The following RBFOX1 variants were observed in gnomAD, a reference collection of about 807,000 sequenced individuals.
The protein encoded by RBFOX1 is RNA binding fox-1 homolog 1, also known as RNA binding protein fox-1 homolog 1.
In RBFOX1, 8 loss-of-function variants were observed where a neutral mutation model predicts 57.7. The observed-to-expected ratio is 0.14, with a 90% CI of 0.08 to 0.25. The LOEUF is 0.25. Among genes scored for constraint, RBFOX1 ranks in the 10% least tolerant of loss-of-function variants. RBFOX1 has a pLI of 1.00. For missense variants in RBFOX1, 611 were observed against 548.5 expected, an observed-to-expected ratio of 1.11 and a Z score of -1.14; for synonymous variants, 326 against 222.4, an observed-to-expected ratio of 1.47 and a Z score of -4.15.
chr16:5,463,342 G>A (rs2068849142), intron 1 of RBFOX1, among the ~76,000 whole-genome samples: 1 of 152,124 alleles, frequency 6.6e-6, no homozygotes, highest in Non-Finnish European at 1.5e-5. Context: ...CTTTTCAAGT[G>A]ACTGTTCTAT....
At chr16:6,563,644 G>A (rs184777502) in intron 2 of RBFOX1, among the ~76,000 whole-genome samples, 1 of 152,140 alleles carries the variant, frequency 6.6e-6, no homozygotes, top group East Asian at 1.9e-4. Flanking sequence ...AGGGGTTCAC[G>A]ACCGTTATCA....
chr16:7,063,589 T>C (rs1278756104), intron 4 of RBFOX1, among the ~76,000 whole-genome samples: 2 of 152,186 alleles, frequency 1.3e-5, no homozygotes, highest in Non-Finnish European at 2.9e-5. Context: ...TTTTCAAATT[T>C]AGCTGGTAAA....
intron 3 of RBFOX1, among the ~76,000 whole-genome samples, chr16:5,749,244 T>C (rs913436360): frequency 6.6e-6 from 1 of 152,220 alleles, no homozygotes. Context: ...GCTGTTAGTC[T>C]AATAGGCTTC....
rs3785247 is a variant in RBFOX1 at position 7,571,418 on chromosome 16, A to T, written c.271-8359A>T. Among the ~76,000 whole-genome samples the T allele has an allele frequency of 2.0e-5, 3 of 152,078 alleles. No homozygotes were observed. The East Asian group carries it at 5.8e-4, about 29-fold the overall frequency. On this transcript the variant is annotated intron_variant, in intron 5 of 15. Transcript: ENST00000550418. ...CTGGATTGGTCGATATCAAAATCCA[A>T]TTTCACCAGGATTAGTCTCGGGTTG...
chr16:6,573,109 G>A (rs1416960700), intron 2 of RBFOX1, among the ~76,000 whole-genome samples: 1 of 152,052 alleles, frequency 6.6e-6, no homozygotes, highest in Admixed American at 6.5e-5. Context: ...CTAGACCATG[G>A]GCACTGCAGA....
intron 3 of RBFOX1, among the ~76,000 whole-genome samples, chr16:6,719,734 C>G (rs1216075355): frequency 6.6e-6 from 1 of 152,012 alleles, no homozygotes; most frequent in Non-Finnish European, 1.5e-5. Flanking sequence ...GCGTGAGCCA[C>G]CGCACTTGGC....
chr16:5,774,744 G>A (rs150367027), intron 3 of RBFOX1, among the ~76,000 whole-genome samples: 114 of 152,220 alleles, frequency 7.5e-4, no homozygotes, highest in Admixed American at 1.3e-4. Context: ...GTGCAGTGGC[G>A]CAATCTTGGC....
At chr16:7,329,242 C>G (rs1007448545) in intron 4 of RBFOX1, among the ~76,000 whole-genome samples, 5 of 152,196 alleles carry the variant, frequency 3.3e-5, no homozygotes, top group Admixed American at 3.3e-4. Flanking sequence ...TATTTGACTT[C>G]CGTATGTTTC....
At chr16:6,254,539 G>A (rs1374454685) in intron 1 of RBFOX1, among the ~76,000 whole-genome samples, 2 of 152,044 alleles carry the variant, frequency 1.3e-5, no homozygotes, top group African/African-American at 4.8e-5. Context: ...TACCATCTTG[G>A]GCAAGGTGAC....
chr16:7,206,327 G>T (rs976150918), intron 4 of RBFOX1, among the ~76,000 whole-genome samples: 3 of 151,796 alleles, frequency 2.0e-5, no homozygotes, highest in African/African-American at 7.3e-5. Context: ...CCATGCAATT[G>T]GTTTGACTTT....
At chr16:6,913,818 A>C (rs537550794) in intron 3 of RBFOX1, among the ~76,000 whole-genome samples, 1 of 152,164 alleles carries the variant, frequency 6.6e-6, no homozygotes, top group Non-Finnish European at 1.5e-5. Context: ...ATGCTAAACT[A>C]CTTCCCAGCC....
At chr16:6,175,838 A>G (rs1192589834) in intron 1 of RBFOX1, among the ~76,000 whole-genome samples, 2 of 152,118 alleles carry the variant, frequency 1.3e-5, no homozygotes, top group African/African-American at 4.8e-5. Context: ...ACAATCAGAA[A>G]TGTTAGCAAT....
At chr16:5,285,696 C>G (rs1325233634) in intron 1 of RBFOX1, among the ~76,000 whole-genome samples, 2 of 152,112 alleles carry the variant, frequency 1.3e-5, no homozygotes, top group East Asian at 3.8e-4. Flanking sequence ...GTGATATAGT[C>G]TGCATATGAT....
chr16:6,193,392 C>CTA (rs55707901), intron 1 of RBFOX1, among the ~76,000 whole-genome samples: 1,540 of 43,146 alleles, frequency 0.036, 42 homozygotes, highest in African/African-American at 0.037. Flanking sequence ...TATATATATA[C>CTA]TATATATATA....
intron 3 of RBFOX1, among the ~76,000 whole-genome samples, chr16:6,793,220 T>C (rs549979889): frequency 6.6e-6 from 1 of 152,152 alleles, no homozygotes; most frequent in Non-Finnish European, 1.5e-5. Context: ...AAAGGTACTG[T>C]TTGTTAATTT....
At chr16:5,406,572 T>G (rs116423081) in intron 1 of RBFOX1, among the ~76,000 whole-genome samples, 2 of 151,886 alleles carry the variant, frequency 1.3e-5, no homozygotes, top group South Asian at 4.2e-4. Context: ...TTCTCTCTCT[T>G]TATTTCTCTC....
chr16:6,254,788 G>A (rs1032465864), intron 1 of RBFOX1, among the ~76,000 whole-genome samples: 38 of 152,156 alleles, frequency 2.5e-4, no homozygotes, highest in African/African-American at 8.7e-4. Flanking sequence ...AAATATACAT[G>A]TGAAAGGAAA....
At chr16:5,767,770 C>T (rs1390436266) in intron 3 of RBFOX1, among the ~76,000 whole-genome samples, 1 of 152,104 alleles carries the variant, frequency 6.6e-6, no homozygotes, top group Non-Finnish European at 1.5e-5. Context: ...TCATTAGTTG[C>T]CTTTGCTGGG....
In RBFOX1 at chr16:7,472,066, G is replaced by A. The variant is rs73500349; in HGVS notation, c.28-46081G>A. 1.9e-3 allele frequency among the ~76,000 whole-genome samples: 296 copies of A among 152,186 alleles called. 1 individual carries two copies. Among genetic ancestry groups the A allele is most frequent in the Non-Finnish European group, 2.2e-3 (150 of 68,000 alleles). ...TGACACAATTTAGCTGCTATGCCTGGCATCTCTCCTTCAGCATATCCTGCC... is the reference window on the plus strand; with the variant it reads ...TGACACAATTTAGCTGCTATGCCTGACATCTCTCCTTCAGCATATCCTGCC... On this transcript the variant is annotated intron_variant, in intron 4 of 15. Coordinates refer to ENST00000550418, the MANE Select transcript of RBFOX1 (RefSeq NM_018723.4).
Sources: gnomAD v4.1 joint callset for allele counts (sites outside exome capture counted in the v4.1 genomes callset) on GRCh38, gnomAD v4.1.1 for gene constraint, MANE v1.5 for transcripts, NCBI Gene and HGNC (gene_info 2026-07-23, HGNC 2026-07-21) for gene names.